IMMP2L: variants seen among roughly 807,000 people sequenced by gnomAD.
IMMP2L encodes the protein mitochondrial inner membrane protease subunit 2.
A neutral mutation model predicts 19.3 loss-of-function variants in IMMP2L; 18 were observed. That is an observed-to-expected ratio of 0.93 (90% CI 0.64 to 1.38). The LOEUF (loss-of-function observed/expected upper bound fraction) is 1.38. IMMP2L is among the 40% of genes most tolerant of loss of function. The pLI is 0.00. For synonymous variants in IMMP2L, 76 were observed against 73.0 expected (o/e 1.04, Z -0.21); for missense variants, 233 against 218.2 (o/e 1.07, Z -0.43).
intron 4 of IMMP2L, among the ~76,000 whole-genome samples, chr7:110,914,484 G>A (rs1310995271): frequency 1.3e-5 from 2 of 152,178 alleles, no homozygotes; most frequent in East Asian, 3.9e-4. Context: ...GTCTGCTGCT[G>A]TGGGTTTCAC....
chr7:111,055,533 T>C (rs1273408884), intron 3 of IMMP2L, among the ~76,000 whole-genome samples: 1 of 152,222 alleles, frequency 6.6e-6, no homozygotes, highest in Non-Finnish European at 1.5e-5. Context: ...GCCTCTGTTC[T>C]CTTCCGCACT....
chr7:111,513,107 A>G (rs1463858247), intron 2 of IMMP2L, among the ~76,000 whole-genome samples: 1 of 152,166 alleles, frequency 6.6e-6, no homozygotes, highest in Admixed American at 6.5e-5. Flanking sequence ...AAGCAAAAAT[A>G]GACAGCTGAG....
intron 4 of IMMP2L, among the ~76,000 whole-genome samples, chr7:110,917,665 G>C (rs2095413477): frequency 6.6e-6 from 1 of 152,116 alleles, no homozygotes; most frequent in Non-Finnish European, 1.5e-5. Flanking sequence ...AAAGTCCCTG[G>C]AACGAAGGCA....
At chr7:111,309,118 T>C (rs115125389) in intron 3 of IMMP2L, among the ~76,000 whole-genome samples, 6 of 152,104 alleles carry the variant, frequency 3.9e-5, no homozygotes, top group African/African-American at 1.2e-4. Flanking sequence ...TTGTCATAAT[T>C]TGGGATCAAG....
chr7:110,908,116 AG>A (rs1252605645), intron 4 of IMMP2L, among the ~76,000 whole-genome samples: 5 of 152,334 alleles, frequency 3.3e-5, no homozygotes, highest in Non-Finnish European at 7.3e-5. Flanking sequence ...AATTCAGAGC[AG>A]GTATTTCTAA....
chr7:110,836,350 C>T (rs1185377718), intron 5 of IMMP2L, among the ~76,000 whole-genome samples: 1 of 152,120 alleles, frequency 6.6e-6, no homozygotes, highest in African/African-American at 2.4e-5. Context: ...CAAATCTCAT[C>T]TGGAATTTCC....
chr7:111,104,592 A>T (rs906721100), intron 3 of IMMP2L, among the ~76,000 whole-genome samples: 8 of 151,708 alleles, frequency 5.3e-5, no homozygotes, highest in Non-Finnish European at 7.4e-5. Context: ...TAAATAACAG[A>T]AAAGTCTCAT....
At chr7:110,882,834 T>C (rs187022239) in intron 5 of IMMP2L, among the ~76,000 whole-genome samples, 1 of 152,046 alleles carries the variant, frequency 6.6e-6, no homozygotes, top group East Asian at 1.9e-4. Flanking sequence ...TATGACTAGA[T>C]ACTAAATTGC....
At chr7:111,143,791 A>G (rs1380348131) in intron 3 of IMMP2L, among the ~76,000 whole-genome samples, 11 of 152,262 alleles carry the variant, frequency 7.2e-5, no homozygotes, top group Admixed American at 7.2e-4. Flanking sequence ...CTACGTGAGA[A>G]AATGCATTCT....
intron 3 of IMMP2L, among the ~76,000 whole-genome samples, chr7:111,263,384 G>A (rs370060095): frequency 6.6e-6 from 1 of 152,176 alleles, no homozygotes; most frequent in African/African-American, 2.4e-5. Context: ...GAGGACTCAA[G>A]GATAACCTCA....
At chr7:111,237,040 G>A (rs750205933) in intron 3 of IMMP2L, among the ~76,000 whole-genome samples, 2 of 152,006 alleles carry the variant, frequency 1.3e-5, no homozygotes, top group East Asian at 1.9e-4. Flanking sequence ...CAACAGTGAC[G>A]TTTCCATAAC....
At chr7:111,324,312 C>A (rs1429654671) in intron 3 of IMMP2L, among the ~76,000 whole-genome samples, 1 of 151,504 alleles carries the variant, frequency 6.6e-6, no homozygotes, top group Non-Finnish European at 1.5e-5. Context: ...GAAAATGAAG[C>A]ACAAAGAGGA....
At chr7:110,955,362 T>A (rs955545037) in intron 4 of IMMP2L, among the ~76,000 whole-genome samples, 5 of 151,926 alleles carry the variant, frequency 3.3e-5, no homozygotes, top group Admixed American at 2.0e-4. Flanking sequence ...ATATCCATAA[T>A]ACACTAATAA....
intron 3 of IMMP2L, among the ~76,000 whole-genome samples, chr7:111,047,403 G>A (rs901868842): frequency 2.6e-5 from 4 of 151,964 alleles, no homozygotes; most frequent in Non-Finnish European, 4.4e-5. Flanking sequence ...GGTCAGGCTG[G>A]TCTCGAACTC....
chr7:110,826,485 C>T (rs896757835), intron 5 of IMMP2L, among the ~76,000 whole-genome samples: 2 of 152,148 alleles, frequency 1.3e-5, no homozygotes, highest in Non-Finnish European at 2.9e-5. Flanking sequence ...GGCACATATA[C>T]ACCATGGAAT....
At chr7:110,938,293 G>T (rs548178702) in intron 4 of IMMP2L, among the ~76,000 whole-genome samples, 3 of 152,042 alleles carry the variant, frequency 2.0e-5, no homozygotes, top group African/African-American at 4.8e-5. Context: ...AACAATGTCC[G>T]CAAATGCCTC....
At chr7:110,799,202 A>G (rs1365981719) in intron 5 of IMMP2L, among the ~76,000 whole-genome samples, 1 of 152,024 alleles carries the variant, frequency 6.6e-6, no homozygotes, top group African/African-American at 2.4e-5. Flanking sequence ...TGCCTAGAGT[A>G]TGGACTCCTT....
rs937614991 is a variant in IMMP2L at position 110,924,498 on chromosome 7, C to G, written c.306-37803G>C. On this transcript the variant is annotated intron_variant, in intron 4 of 5. Coordinates refer to ENST00000405709, the MANE Select transcript of IMMP2L (RefSeq NM_032549.4). The surrounding 1 kb of genome is among the most constrained non-coding windows in gnomAD (Gnocchi z 4.2). The stretch of plus-strand genomic sequence containing the variant: ...GGTACCAGGTTTATCCTACGTTTCT[C>G]TCACTATGGGGAACTGGGCAGGCCG... Among the ~76,000 whole-genome samples the G allele has an allele frequency of 6.6e-6, 1 of 152,078 alleles. No homozygotes were observed. Among genetic ancestry groups the G allele is most frequent in the South Asian group, 2.1e-4 (1 of 4,832 alleles).
intron 3 of IMMP2L, among the ~76,000 whole-genome samples, chr7:111,177,826 T>A (rs1298535827): frequency 6.6e-6 from 1 of 152,070 alleles, no homozygotes. Flanking sequence ...TTGGCAGCTT[T>A]ATGTCACAAA....
Sources: gnomAD v4.1 joint callset for allele counts (sites outside exome capture counted in the v4.1 genomes callset) on GRCh38, gnomAD v4.1.1 for gene constraint, Gnocchi (gnomAD v3.1) non-coding constraint, MANE v1.5 for transcripts, NCBI Gene and HGNC (gene_info 2026-07-23, HGNC 2026-07-21) for gene names.